HS2ST1: variants seen among roughly 807,000 people sequenced by gnomAD.
The protein encoded by HS2ST1 is heparan sulfate 2-O-sulfotransferase 1.
In HS2ST1, 18 loss-of-function variants were observed where a neutral mutation model predicts 42.9. That is an observed-to-expected ratio of 0.42 (90% CI 0.29 to 0.62). HS2ST1 has a LOEUF of 0.62. Ranked by LOEUF, HS2ST1 falls within the 20% of genes least tolerant of loss-of-function variation. The probability of loss-of-function intolerance (pLI) is 0.21; values close to 1 mark genes in which losing one functional copy is unlikely to be tolerated. For missense variants in HS2ST1, 334 were observed against 433.8 expected (o/e 0.77, Z 2.04); for synonymous variants, 146 against 152.9 (o/e 0.95, Z 0.33).
intron 3 of HS2ST1, among the ~76,000 whole-genome samples, chr1:87,085,386 T>C (rs1307219515): frequency 6.6e-6 from 1 of 152,184 alleles, no homozygotes; most frequent in Non-Finnish European, 1.5e-5. Flanking sequence ...AATGAAGTAT[T>C]ACTGATTCAA....
At chr1:87,072,128 A>G (rs1419102890) in intron 1 of HS2ST1, among the ~76,000 whole-genome samples, 6 of 152,318 alleles carry the variant, frequency 3.9e-5, no homozygotes, top group African/African-American at 1.4e-4. Context: ...TTGAAACCAC[A>G]TAGCAGATAG....
intron 1 of HS2ST1, among the ~76,000 whole-genome samples, chr1:86,944,442 C>G (rs972639776): frequency 1.3e-5 from 2 of 152,090 alleles, no homozygotes; most frequent in African/African-American, 2.4e-5. Context: ...GCAACCTCCC[C>G]CTTCTGGGTT....
Position 87,108,879 on chromosome 1 carries a change from G to A in HS2ST1, c.*4183G>A, listed in dbSNP as rs569747846. On this transcript the variant is annotated 3_prime_UTR_variant, in exon 7 of 7. Coordinates refer to ENST00000370550, the MANE Select transcript of HS2ST1 (RefSeq NM_012262.4). ...TGAAGCAGTGTTGAATGTAATTTTCGGAAACATGGATTGTGTATTTTGACT... is the reference window on the plus strand; with the variant it reads ...TGAAGCAGTGTTGAATGTAATTTTCAGAAACATGGATTGTGTATTTTGACT... 10 of 152,484 alleles carry A rather than the reference G, an allele frequency of 6.6e-5. No homozygotes were observed. The South Asian group carries it at 1.7e-3, about 25-fold the overall frequency. 9.4% of individuals were successfully genotyped at this position (152,484 alleles called of 1,614,324 possible).
chr1:87,049,024 A>G (rs1439420647), intron 1 of HS2ST1, among the ~76,000 whole-genome samples: 1 of 152,046 alleles, frequency 6.6e-6, no homozygotes, highest in African/African-American at 2.4e-5. Context: ...AGAATTTTCT[A>G]AAGCCATTTG....
chr1:86,965,148 T>G (rs1379777887), intron 1 of HS2ST1, among the ~76,000 whole-genome samples: 2 of 152,344 alleles, frequency 1.3e-5, no homozygotes, highest in East Asian at 3.9e-4. Flanking sequence ...AGTAATTAGC[T>G]AAGGAAATCA....
At chr1:87,080,276 G>C (rs1651651310) in intron 2 of HS2ST1, among the ~76,000 whole-genome samples, 1 of 152,140 alleles carries the variant, frequency 6.6e-6, no homozygotes, top group South Asian at 2.1e-4. Context: ...TGGTTGTCCG[G>C]TAAAGAGAGT....
chr1:86,940,710 A>C (rs1227140434), intron 1 of HS2ST1, among the ~76,000 whole-genome samples: 2 of 152,184 alleles, frequency 1.3e-5, no homozygotes, highest in Non-Finnish European at 2.9e-5. Context: ...CACACTGGCG[A>C]CTGGGCACAG....
At chr1:87,081,001 A>G (rs1651672455) in intron 2 of HS2ST1, among the ~76,000 whole-genome samples, 1 of 152,224 alleles carries the variant, frequency 6.6e-6, no homozygotes, top group South Asian at 2.1e-4. Flanking sequence ...CAATTCAGCA[A>G]GAGAATATAA....
intron 1 of HS2ST1, among the ~76,000 whole-genome samples, chr1:86,981,660 A>C (rs541608892): frequency 1.3e-5 from 2 of 152,370 alleles, no homozygotes; most frequent in South Asian, 2.1e-4. Flanking sequence ...CATCCAGGAC[A>C]CACTGATGCA....
intron 1 of HS2ST1, among the ~76,000 whole-genome samples, chr1:86,959,534 T>G (rs1428885040): frequency 1.3e-5 from 2 of 152,170 alleles, no homozygotes; most frequent in African/African-American, 4.8e-5. Context: ...GGTGCACGTC[T>G]GTAGTCCCAG....
chr1:86,985,985 T>C (rs1398990590), intron 1 of HS2ST1, among the ~76,000 whole-genome samples: 1 of 151,840 alleles, frequency 6.6e-6, no homozygotes, highest in Non-Finnish European at 1.5e-5. Flanking sequence ...TGAGCTTTGC[T>C]TGACATGTTA....
chr1:87,061,858 T>C (rs749140692), intron 1 of HS2ST1, among the ~76,000 whole-genome samples: 24 of 152,160 alleles, frequency 1.6e-4, no homozygotes, highest in Middle Eastern at 3.2e-3. Flanking sequence ...CCTCCAGCAA[T>C]GTATGAGGGT....
intron 1 of HS2ST1, among the ~76,000 whole-genome samples, chr1:87,036,461 A>T (rs950506540): frequency 6.6e-6 from 1 of 152,122 alleles, no homozygotes; most frequent in Non-Finnish European, 1.5e-5. Context: ...GAGATTTGAG[A>T]TGGGCTTTGA....
chr1:86,938,912 A>G (rs946032735), intron 1 of HS2ST1, among the ~76,000 whole-genome samples: 1 of 152,204 alleles, frequency 6.6e-6, no homozygotes, highest in Non-Finnish European at 1.5e-5. Context: ...AAGTAATTCA[A>G]CTGGTAGAAG....
intron 3 of HS2ST1, among the ~76,000 whole-genome samples, chr1:87,088,591 G>T (rs957038119): frequency 6.6e-6 from 1 of 152,020 alleles, no homozygotes; most frequent in Non-Finnish European, 1.5e-5. Flanking sequence ...AAGTGGGATG[G>T]CTGGATTGTA....
At chr1:86,959,745 A>C (rs1035521455) in intron 1 of HS2ST1, among the ~76,000 whole-genome samples, 1 of 34 alleles carries the variant, frequency 0.029, no homozygotes, top group African/African-American at 0.12. Context: ...ATCTTGCAAC[A>C]TAAGTACAGT....
intron 1 of HS2ST1, among the ~76,000 whole-genome samples, chr1:87,059,402 C>A (rs557672992): frequency 1.3e-5 from 2 of 152,180 alleles, no homozygotes; most frequent in African/African-American, 4.8e-5. Context: ...TTTGTTCTTA[C>A]TTATGGCATT....
intron 5 of HS2ST1, among the ~76,000 whole-genome samples, chr1:87,100,798 A>T (rs1368084143): frequency 6.6e-6 from 1 of 152,124 alleles, no homozygotes; most frequent in Non-Finnish European, 1.5e-5. Context: ...GCATATGCCC[A>T]TAGTCCCAGC....
chr1:87,021,552 T>C (rs1439792369), intron 1 of HS2ST1, among the ~76,000 whole-genome samples: 1 of 152,218 alleles, frequency 6.6e-6, no homozygotes, highest in Admixed American at 6.5e-5. Flanking sequence ...TTTCACTCTG[T>C]CATCCAGGGT....
Sources: allele counts gnomAD v4.1 joint callset (sites outside exome capture counted in the v4.1 genomes callset), GRCh38; gene constraint gnomAD v4.1.1; transcripts MANE v1.5; gene names NCBI Gene and HGNC (gene_info 2026-07-23, HGNC 2026-07-21).